DST: variants seen among roughly 807,000 people sequenced by gnomAD.
The protein encoded by DST is bullous pemphigoid antigen.
In DST, 253 loss-of-function variants were observed where a neutral mutation model predicts 875.2. The observed-to-expected ratio is 0.29, with a 90% CI of 0.26 to 0.32. DST has a LOEUF of 0.32. DST is among the 10% of genes least tolerant of loss of function. DST has a pLI of 1.00. For synonymous variants in DST, 3,124 were observed against 3,197.1 expected (o/e 0.98, Z 0.77); for missense variants, 8,287 against 9,111.6 (o/e 0.91, Z 3.68).
intron 4 of DST, 43 bp downstream of exon 4, chr6:56,851,354 A>G: frequency 1.3e-6 from 2 of 1,574,140 alleles, no homozygotes; most frequent in East Asian, 2.3e-5. Flanking sequence ...GAATTTCCGC[A>G]ACTCTCTTCC....
intron 2 of DST, among the ~76,000 whole-genome samples, chr6:56,938,819 G>A (rs1310580405): frequency 6.6e-6 from 1 of 152,196 alleles, no homozygotes; most frequent in South Asian, 2.1e-4. Flanking sequence ...TACTGGAAGA[G>A]GAGAGACCAT....
At chr6:56,763,428 T>A (rs893075713) in intron 4 of DST, among the ~76,000 whole-genome samples, 1 of 151,858 alleles carries the variant, frequency 6.6e-6, no homozygotes, top group Admixed American at 6.6e-5. Flanking sequence ...TGCCAGTCCT[T>A]TGGGATGCTG....
chr6:56,814,974 T>G (rs898676458), intron 4 of DST, among the ~76,000 whole-genome samples: 1 of 152,024 alleles, frequency 6.6e-6, no homozygotes, highest in Non-Finnish European at 1.5e-5. Flanking sequence ...AGGTGAGACA[T>G]GAGGGGGCAA....
chr6:56,634,877 A>T lies in DST; in HGVS notation c.3263T>A (p.Leu1088Gln). 6.2e-7 allele frequency: 1 copy of T among 1,613,960 alleles called. No homozygotes were observed. The highest frequency in any genetic ancestry group is 8.5e-7 in the Non-Finnish European group (1 of 1,179,924). Residue 1088 changes from leucine (L) to glutamine (Q), a missense_variant, in exon 25 of 104, where the codon CTG becomes CAG. Coordinates refer to ENST00000680361, the MANE Select transcript of DST (RefSeq NM_001374736.1). ...LMGKAKTIIQLKPRNSDCPLK... is the reference protein window; with the variant it reads ...LMGKAKTIIQQKPRNSDCPLK... ...TGGACAGTCAGAATTCCTTGGCTTC[A>T]GTTGAATTATTGTTTTTGCTTTTCC...
chr6:56,916,532 G>A (rs1366366653), intron 2 of DST, among the ~76,000 whole-genome samples: 2 of 151,992 alleles, frequency 1.3e-5, no homozygotes, highest in Non-Finnish European at 2.9e-5. Context: ...CGAGCAGATC[G>A]CTTGAGCCCA....
At chr6:56,653,695 C>A (rs1157201243) in intron 10 of DST, among the ~76,000 whole-genome samples, 1 of 151,968 alleles carries the variant, frequency 6.6e-6, no homozygotes, top group African/African-American at 2.4e-5. Context: ...CAAAAAAACA[C>A]AAAAAACCAC....
At chr6:56,861,199 T>C (rs543489660) in intron 3 of DST, among the ~76,000 whole-genome samples, 1 of 152,334 alleles carries the variant, frequency 6.6e-6, no homozygotes, top group Non-Finnish European at 1.5e-5. Context: ...TACTTTTTCA[T>C]TAAAAACAAA....
intron 4 of DST, among the ~76,000 whole-genome samples, chr6:56,836,863 A>AT (rs1246591214): frequency 6.8e-6 from 1 of 146,190 alleles, no homozygotes; most frequent in Non-Finnish European, 1.5e-5. Flanking sequence ...AAAAAAAAAA[A>AT]GAAAGAAAAA....
Position 56,473,991 on chromosome 6 carries a change from C to T in DST, c.21876G>A (p.Glu7292=), listed in dbSNP as rs1254721541. Reference sequence around the variant, plus strand: ...CATCAGGCTGTTTTCTGGTCATTTCCTCCATGAAGGTCTGAAATGAAAGAA... The same window carrying T: ...CATCAGGCTGTTTTCTGGTCATTTCTTCCATGAAGGTCTGAAATGAAAGAA... ...ALIAEHQTFM[E]EMTRKQPDVD... is the part of the protein sequence containing the mutation. The change falls in exon 93 of 104, where the codon GAG becomes GAA. Residue 7292 remains glutamate (E), a synonymous_variant. Coordinates refer to ENST00000680361, the MANE Select transcript of DST (RefSeq NM_001374736.1). The T allele has an allele frequency of 2.5e-6, 4 of 1,577,110 alleles. No individual in the cohort carries two copies. In the South Asian group the frequency reaches 3.5e-5, roughly 14 times the overall value.
At chr6:56,485,688 T>C (rs1052673149) in intron 87 of DST, among the ~76,000 whole-genome samples, 3 of 152,202 alleles carry the variant, frequency 2.0e-5, no homozygotes, top group Admixed American at 1.3e-4. Flanking sequence ...TCCAGGAAAA[T>C]TCCCACCTTT....
chr6:56,794,062 C>A (rs1399046854), intron 4 of DST, among the ~76,000 whole-genome samples: 1 of 152,132 alleles, frequency 6.6e-6, no homozygotes, highest in Non-Finnish European at 1.5e-5. Context: ...ACCTGCATTG[C>A]AACAGAAGAG....
chr6:56,532,621 G>A (rs2096916175), intron 63 of DST, 111 bp from the exon 64 acceptor site: 1 of 1,019,020 alleles, frequency 9.8e-7, no homozygotes, highest in African/African-American at 1.6e-5. Flanking sequence ...TTGTATGTAT[G>A]CACATATGAA....
chr6:56,894,405 G>GC (rs1420346509), intron 3 of DST, among the ~76,000 whole-genome samples: 11 of 70,128 alleles, frequency 1.6e-4, no homozygotes, highest in African/African-American at 3.6e-4. Context: ...GGGCAGAGGG[G>GC]TCCTCACTTC....
At chr6:56,748,984 T>C (rs961674811) in intron 4 of DST, among the ~76,000 whole-genome samples, 1 of 152,176 alleles carries the variant, frequency 6.6e-6, no homozygotes, top group Non-Finnish European at 1.5e-5. Context: ...ATAAACTGCA[T>C]AAAAGTCCCC....
chr6:56,889,533 C>T (rs1370424480), intron 3 of DST, among the ~76,000 whole-genome samples: 1 of 152,172 alleles, frequency 6.6e-6, no homozygotes, highest in Non-Finnish European at 1.5e-5. Flanking sequence ...TTGGCAATAA[C>T]CTGGGAACAC....
intron 5 of DST, among the ~76,000 whole-genome samples, chr6:56,722,159 G>A (rs560414993): frequency 6.6e-6 from 1 of 151,644 alleles, no homozygotes; most frequent in African/African-American, 2.4e-5. Flanking sequence ...ACAGGCCATA[G>A]TCTGTAGACC....
intron 15 of DST, among the ~76,000 whole-genome samples, chr6:56,644,919 G>A (rs963074312): frequency 1.2e-4 from 18 of 152,162 alleles, no homozygotes; most frequent in East Asian, 5.8e-4. Context: ...TCACGGGGGC[G>A]ATTTCCCCCA....
At chr6:56,751,611 C>T (rs995800422) in intron 4 of DST, among the ~76,000 whole-genome samples, 1 of 152,130 alleles carries the variant, frequency 6.6e-6, no homozygotes, top group African/African-American at 2.4e-5. Context: ...ATTTAAAATG[C>T]TATGGAATTT....
chr6:56,612,289 A>G (rs1296893382), intron 37 of DST, among the ~76,000 whole-genome samples: 1 of 152,162 alleles, frequency 6.6e-6, no homozygotes, highest in African/African-American at 2.4e-5. Context: ...GAATTGCTTG[A>G]GTGTGGGAAA....
Sources: gnomAD v4.1 joint callset for allele counts (sites outside exome capture counted in the v4.1 genomes callset) on GRCh38, gnomAD v4.1.1 for gene constraint, MANE v1.5 for transcripts, NCBI Gene and HGNC (gene_info 2026-07-23, HGNC 2026-07-21) for gene names.